Variants in PPFIBP2 observed in about 807,000 individuals in gnomAD.
The protein encoded by PPFIBP2 is PPFIB scaffold protein 2.
A neutral mutation model predicts 118.3 loss-of-function variants in PPFIBP2; 118 were observed. The ratio of observed to expected loss-of-function variants is 1.00; its 90% confidence interval spans 0.86 to 1.16. The LOEUF (loss-of-function observed/expected upper bound fraction) is 1.16. Ranked by LOEUF, PPFIBP2 falls within the 50% of genes most tolerant of loss-of-function variation. The pLI is 0.00. For synonymous variants in PPFIBP2, 414 were observed against 397.4 expected, an observed-to-expected ratio of 1.04 and a Z score of -0.50; for missense variants, 1,195 against 1,073.1, an observed-to-expected ratio of 1.11 and a Z score of -1.59.
intron 2 of PPFIBP2, among the ~76,000 whole-genome samples, chr11:7,550,506 C>T (rs867087915): frequency 6.6e-6 from 1 of 152,190 alleles, no homozygotes; most frequent in Non-Finnish European, 1.5e-5. Context: ...CTTGCAGCTT[C>T]TTCAGGTTAT....
At chr11:7,532,642 C>A (rs1326384220) in intron 1 of PPFIBP2, among the ~76,000 whole-genome samples, 1 of 152,224 alleles carries the variant, frequency 6.6e-6, no homozygotes, top group Non-Finnish European at 1.5e-5. Context: ...CCTCGGAACT[C>A]CAGTGAACAC....
intron 3 of PPFIBP2, among the ~76,000 whole-genome samples, chr11:7,578,686 A>G (rs1402293693): frequency 6.6e-6 from 1 of 152,220 alleles, no homozygotes; most frequent in African/African-American, 2.4e-5. Context: ...GAAGAACAGA[A>G]GACACGGGAC....
At chr11:7,518,448 G>A (rs1249134855) in intron 1 of PPFIBP2, among the ~76,000 whole-genome samples, 2 of 151,988 alleles carry the variant, frequency 1.3e-5, no homozygotes, top group East Asian at 1.9e-4. Flanking sequence ...ACACATAATC[G>A]TGTGGTCTCG....
chr11:7,610,608 T>C, intron 6 of PPFIBP2, 186 bp downstream of exon 6: 1 of 787,076 alleles, frequency 1.3e-6, no homozygotes, highest in Non-Finnish European at 1.9e-6. Context: ...TTCAGCAATA[T>C]CCAAACCAGC....
intron 4 of PPFIBP2, among the ~76,000 whole-genome samples, chr11:7,593,628 G>C (rs1483881544): frequency 6.6e-6 from 1 of 152,198 alleles, no homozygotes; most frequent in African/African-American, 2.4e-5. Flanking sequence ...AGGCCTAAGG[G>C]TGAATGCTAA....
intron 10 of PPFIBP2, among the ~76,000 whole-genome samples, chr11:7,630,338 G>A (rs1850592423): frequency 6.6e-6 from 1 of 152,156 alleles, no homozygotes; most frequent in South Asian, 2.1e-4. Context: ...TTGAGATGGA[G>A]TGTTACTCTG....
chr11:7,643,110 A>C (rs1366420241), intron 17 of PPFIBP2, among the ~76,000 whole-genome samples: 1 of 152,210 alleles, frequency 6.6e-6, no homozygotes. Flanking sequence ...TAGTCTAAGT[A>C]AGTCAGAGAC....
downstream of PPFIBP2, among the ~76,000 whole-genome samples, chr11:7,659,689 G>T (rs1193447668): frequency 9.9e-5 from 12 of 121,408 alleles, no homozygotes; most frequent in African/African-American, 2.2e-4. Flanking sequence ...GTGAAGAAAG[G>T]CATTGGTAGC....
At chr11:7,613,356 G>T (rs1848284349) in intron 6 of PPFIBP2, among the ~76,000 whole-genome samples, 1 of 152,170 alleles carries the variant, frequency 6.6e-6, no homozygotes, top group Non-Finnish European at 1.5e-5. Context: ...GTTTTAAGTT[G>T]TGGAAATGAT....
rs373172753 is a variant in PPFIBP2 at position 7,599,275 on chromosome 11, A to G, written c.486+1602A>G. 2.0e-5 allele frequency among the ~76,000 whole-genome samples: 3 copies of G among 152,168 alleles called. No individual in the cohort carries two copies. In the South Asian group the frequency reaches 6.2e-4, roughly 32 times the overall value. On this transcript the variant is annotated intron_variant, in intron 5 of 23. Coordinates refer to ENST00000299492, the MANE Select transcript of PPFIBP2 (RefSeq NM_003621.5). Reference sequence around the variant, plus strand: ...TTGAGGTGAGAAGGATAAGGGAAGAAGATGATGGAATGGTGTAAACAATCC... The same window carrying G: ...TTGAGGTGAGAAGGATAAGGGAAGAGGATGATGGAATGGTGTAAACAATCC...
intron 2 of PPFIBP2, among the ~76,000 whole-genome samples, chr11:7,552,423 C>G (rs562663701): frequency 3.1e-4 from 47 of 152,350 alleles, no homozygotes; most frequent in African/African-American, 1.1e-3. Context: ...TTTCTCCCAT[C>G]TGAGTTTTGT....
intron 3 of PPFIBP2, among the ~76,000 whole-genome samples, chr11:7,588,066 T>C (rs1317036624): frequency 6.6e-6 from 1 of 152,168 alleles, no homozygotes; most frequent in Non-Finnish European, 1.5e-5. Context: ...AAAAATCTCA[T>C]CCCTAAAATG....
chr11:7,656,833 G>A (rs747406223), downstream of PPFIBP2: 7 of 1,287,894 alleles, frequency 5.4e-6, no homozygotes, highest in South Asian at 7.4e-5. Context: ...GGAGGCATGT[G>A]TGGGGGCCCC....
chr11:7,551,414 A>G (rs1277458244), intron 2 of PPFIBP2, among the ~76,000 whole-genome samples: 1 of 152,020 alleles, frequency 6.6e-6, no homozygotes, highest in Non-Finnish European at 1.5e-5. Flanking sequence ...ATTTGATTAT[A>G]TTTTTGTGAT....
At chr11:7,590,442 G>A (rs575876449) in intron 3 of PPFIBP2, among the ~76,000 whole-genome samples, 16 of 152,246 alleles carry the variant, frequency 1.1e-4, no homozygotes, top group Admixed American at 2.0e-4. Flanking sequence ...TGATTGGGGT[G>A]GGGGAGGGAC....
chr11:7,659,460 T>A (rs1854845066), downstream of PPFIBP2, among the ~76,000 whole-genome samples: 1 of 146,212 alleles, frequency 6.8e-6, no homozygotes, highest in African/African-American at 2.5e-5. Flanking sequence ...GTTGTAGATA[T>A]GTGGCGTTAT....
At chr11:7,629,378 G>C in intron 9 of PPFIBP2, 81 bp from the exon 10 acceptor site, 1 of 1,360,266 alleles carries the variant, frequency 7.4e-7, no homozygotes, top group Non-Finnish European at 1.1e-6. Context: ...CTTGTGCCAA[G>C]AACATAGCGT....
chr11:7,664,700 G>GTA, the PPFIBP2 span, among the ~76,000 whole-genome samples: 3 of 152,114 alleles, frequency 2.0e-5, no homozygotes, highest in Non-Finnish European at 4.4e-5. Flanking sequence ...AGGCCCTGGA[G>GTA]TGTGTCCTGG....
At chr11:7,566,187 G>C (rs531777239) in intron 3 of PPFIBP2, among the ~76,000 whole-genome samples, 2 of 152,142 alleles carry the variant, frequency 1.3e-5, no homozygotes, top group East Asian at 3.9e-4. Context: ...TTAAAAAAAA[G>C]CTTGACAAAT....
Sources: gnomAD v4.1 joint callset for allele counts (sites outside exome capture counted in the v4.1 genomes callset) on GRCh38, gnomAD v4.1.1 for gene constraint, MANE v1.5 for transcripts, NCBI Gene and HGNC (gene_info 2026-07-23, HGNC 2026-07-21) for gene names.